ADAMTS15: variants seen among roughly 807,000 people sequenced by gnomAD.
ADAMTS15 encodes A disintegrin and metalloproteinase with thrombospondin motifs 15.
Under a neutral mutation model 79.1 loss-of-function variants are expected in ADAMTS15, and 35 were observed. The observed-to-expected ratio is 0.44, with a 90% CI of 0.34 to 0.59. The LOEUF (loss-of-function observed/expected upper bound fraction) is 0.59. ADAMTS15 is among the 20% of genes least tolerant of loss of function. The probability of loss-of-function intolerance (pLI) is 0.02; values close to 1 mark genes in which losing one functional copy is unlikely to be tolerated. For synonymous variants in ADAMTS15, 616 were observed against 567.3 expected (o/e 1.09, Z -1.22); for missense variants, 1,324 against 1,318.7 (o/e 1.00, Z -0.06).
At chr11:130,450,901 G>T (rs1937949154) in intron 1 of ADAMTS15, among the ~76,000 whole-genome samples, 2 of 152,310 alleles carry the variant, frequency 1.3e-5, no homozygotes, top group South Asian at 4.1e-4. Context: ...GATTCCAGCT[G>T]TAGAGTTAGA....
intron 6 of ADAMTS15, 25 bp downstream of exon 6, chr11:130,471,126 C>A (rs1490767169): frequency 6.2e-7 from 1 of 1,604,482 alleles, no homozygotes; most frequent in East Asian, 2.2e-5. Context: ...GGCCTGAGAA[C>A]AAAGTAGGGA....
intron 1 of ADAMTS15, among the ~76,000 whole-genome samples, chr11:130,451,630 G>A (rs1465211056): frequency 2.0e-5 from 3 of 152,098 alleles, no homozygotes; most frequent in Non-Finnish European, 4.4e-5. Context: ...AGCAGCTGTT[G>A]CCCCATTCGT....
chr11:130,461,963 G>T (rs966462424), intron 2 of ADAMTS15, 124 bp from the exon 3 acceptor site: 7 of 1,135,328 alleles, frequency 6.2e-6, no homozygotes, highest in African/African-American at 3.1e-5. Context: ...GCAGTCTGTC[G>T]ATAGTTGGCA....
intron 1 of ADAMTS15, among the ~76,000 whole-genome samples, chr11:130,451,819 A>G (rs772920569): frequency 9.2e-5 from 14 of 152,310 alleles, no homozygotes; most frequent in Non-Finnish European, 1.3e-4. Flanking sequence ...ATCAAACAGC[A>G]TGACAGCTTC....
chr11:130,469,046 C>A (rs1284179413), intron 4 of ADAMTS15, among the ~76,000 whole-genome samples: 1 of 151,462 alleles, frequency 6.6e-6, no homozygotes, highest in Admixed American at 6.6e-5. Context: ...CACCTGGGAG[C>A]AGTTGCTGTT....
intron 5 of ADAMTS15, among the ~76,000 whole-genome samples, chr11:130,469,941 G>A (rs946600631): frequency 1.3e-5 from 2 of 151,114 alleles, no homozygotes; most frequent in Non-Finnish European, 2.9e-5. Flanking sequence ...CTAAAATTTA[G>A]TATTTCTTTC....
rs754229728 is a variant in ADAMTS15, at chr11:130,469,470, C to A, written c.1720+31C>A. ...GTGGGGAGAGCAGTGGTGGCCTGGG[C>A]CCAGGGGAGGTGAGGCTGGAGGTCC... On this transcript the variant is annotated intron_variant, in intron 5 of 7. Transcript: ENST00000299164. 9 of 1,310,284 alleles carry A rather than the reference C, an allele frequency of 6.9e-6. No homozygotes were observed. In the East Asian group the frequency reaches 2.6e-4, roughly 37 times the overall value. The allele number at this position is 1,310,284 out of a possible 1,614,324, so 81.2% of individuals were successfully genotyped here.
At chr11:130,470,168 ATATATATATATATG>A (rs1565397727) in intron 5 of ADAMTS15, among the ~76,000 whole-genome samples, 5 of 58,658 alleles carry the variant, frequency 8.5e-5, no homozygotes, top group African/African-American at 3.0e-4. Context: ...ATATATATAT[ATATATATATATATG>A]TGTGTATATA....
intron 1 of ADAMTS15, among the ~76,000 whole-genome samples, chr11:130,456,603 AGTTAAAG>A (rs944183666): frequency 6.6e-6 from 1 of 152,226 alleles, no homozygotes; most frequent in Admixed American, 6.5e-5. Context: ...ATGGGAAACA[AGTTAAAG>A]GTACAGTAGT....
Position 130,449,978 on chromosome 11 carries a change from G to A in ADAMTS15, c.957+48G>A. 4 of 1,577,786 alleles carry A rather than the reference G, an allele frequency of 2.5e-6. No individual in the cohort carries two copies. The highest frequency in any genetic ancestry group is 3.4e-6 in the Non-Finnish European group (4 of 1,166,332). On this transcript the variant is annotated intron_variant, in intron 1 of 7. Coordinates refer to ENST00000299164, the MANE Select transcript of ADAMTS15 (RefSeq NM_139055.4). The surrounding 1 kb of genome is among the most constrained non-coding windows in gnomAD (Gnocchi z 7.8). ...TGCACCCAGATAGTCCCGTTCTTTA[G>A]GGTCACCTCCCCTAGCGCTCCAAAT...
Position 130,449,237 on chromosome 11 carries a change from C to T in ADAMTS15, c.264C>T (p.Leu88=), listed in dbSNP as rs763849359. 4.3e-6 allele frequency: 7 copies of T among 1,613,898 alleles called. No homozygotes were observed. The South Asian group carries it at 7.7e-5, about 18-fold the overall frequency. ...AFSTEHLGVP[L]QGLTGGSSDL... Reference sequence around the variant, plus strand: ...CCACTGAGCATCTGGGCGTCCCCCTCCAGGGGCTCACCGGGGGCTCTTCAG... The same window carrying T: ...CCACTGAGCATCTGGGCGTCCCCCTTCAGGGGCTCACCGGGGGCTCTTCAG... The change falls in exon 1 of 8, where the codon CTC becomes CTT. Residue 88 remains leucine, a synonymous_variant. Coordinates refer to ENST00000299164, the MANE Select transcript of ADAMTS15 (RefSeq NM_139055.4). The surrounding 1 kb of genome is among the most constrained non-coding windows in gnomAD (Gnocchi z 7.8).
chr11:130,462,774 G>A lies in ADAMTS15; in HGVS notation c.1536G>A (p.Lys512=), dbSNP rs1938230540. 6.3e-7 allele frequency: 1 copy of A among 1,588,768 alleles called. No individual in the cohort carries two copies. Among genetic ancestry groups the A allele is most frequent in the Non-Finnish European group, 8.6e-7 (1 of 1,160,946 alleles). Residue 512 remains lysine (K), a synonymous_variant, in exon 4 of 8, where the codon AAG becomes AAA. Transcript: ENST00000299164. This position sits in a 1 kb window ranked among gnomAD's most constrained non-coding sequence, Gnocchi z 4.3. ...GCGTGGAGAGACACAACCTCAACAA[G>A]CACAGGGTGAGTGAGTGCTGGAGCT... ...GACVERHNLN[K]HRVDGSWAKW...
At chr11:130,471,791 T>C (rs1938467022) in intron 7 of ADAMTS15, among the ~76,000 whole-genome samples, 1 of 152,202 alleles carries the variant, frequency 6.6e-6, no homozygotes, top group African/African-American at 2.4e-5. Flanking sequence ...GTGGGTATAA[T>C]ACTAATATAT....
In ADAMTS15 at chr11:130,476,488, T is replaced by A. The variant is rs1592153830; in HGVS notation, c.*2667T>A. On this transcript the variant is annotated 3_prime_UTR_variant, in exon 8 of 8. Coordinates refer to ENST00000299164, the MANE Select transcript of ADAMTS15 (RefSeq NM_139055.4). ...CTGACACTCATTGGTAGACCCTCCC[T>A]CCCCGCCGTTGTGTTTGGTTCTTTT... The A allele has an allele frequency of 6.6e-6, 1 of 152,382 alleles. No individual in the cohort carries two copies. Among genetic ancestry groups the A allele is most frequent in the Admixed American group, 6.5e-5 (1 of 15,284 alleles). 9.4% of individuals were successfully genotyped at this position (152,382 alleles called of 1,614,324 possible). A position where few individuals can be genotyped will look rare whatever the true frequency, so the allele number is the denominator to read the frequency against.
chr11:130,470,150 A>ATGTGTATATATATATATATATATATATG (rs1938399279), intron 5 of ADAMTS15, among the ~76,000 whole-genome samples: 4 of 53,182 alleles, frequency 7.5e-5, no homozygotes, highest in African/African-American at 2.7e-4. Flanking sequence ...ATATATATAT[A>ATGTGTATATATATATATATATATATATG]TGTGTATATA....
In ADAMTS15 at chr11:130,449,469, C is replaced by A. The variant is rs1937912384; in HGVS notation, c.496C>A (p.Pro166Thr). The change falls in exon 1 of 8, where the codon CCT (proline) becomes ACT (threonine). Residue 166 changes from proline to threonine, a missense_variant. Pro to Thr is a conservative substitution (Grantham distance 38). Coordinates refer to ENST00000299164, the MANE Select transcript of ADAMTS15 (RefSeq NM_139055.4). This position sits in a 1 kb window ranked among gnomAD's most constrained non-coding sequence, Gnocchi z 7.8. ...CCAGCGCCGGGGTGTTCCGGGCGGG[C>A]CTTCCGGAGACCCCACCTCTCGCTG... ...LLQRRGVPGG[P>T]SGDPTSRCGV... 2 of 1,567,824 alleles carry A rather than the reference C, an allele frequency of 1.3e-6. No individual in the cohort carries two copies. The highest frequency in any genetic ancestry group is 2.3e-5 in the East Asian group (1 of 44,320).
chr11:130,461,377 G>A (rs1938194363), intron 1 of ADAMTS15, 112 bp from the exon 2 acceptor site: 2 of 1,489,632 alleles, frequency 1.3e-6, no homozygotes, highest in Admixed American at 1.8e-5. Flanking sequence ...GCCTGGTGAG[G>A]TTGGAATGAG....
rs757144593 is a variant in ADAMTS15 at position 130,459,132 on chromosome 11, A to T, written c.958-2357A>T. Reference sequence around the variant, plus strand: ...CACTGTAGATTACCCTCCCAGGCTCAAGTGATCCTCCTACCTCAGCCTCCT... The same window carrying T: ...CACTGTAGATTACCCTCCCAGGCTCTAGTGATCCTCCTACCTCAGCCTCCT... On this transcript the variant is annotated intron_variant, in intron 1 of 7. Transcript: ENST00000299164. Among the ~76,000 whole-genome samples, 7 of 145,846 alleles carry T rather than the reference A, an allele frequency of 4.8e-5. No homozygotes were observed. In the South Asian group the frequency reaches 1.5e-3, roughly 31 times the overall value.
Position 130,473,758 on chromosome 11 carries a change from G to A in ADAMTS15, c.2790G>A (p.Arg930=), listed in dbSNP as rs777561488. Reference sequence around the variant, plus strand: ...GCCACGGAGGCCGGCTGCTGGCCCGGGACCAGTGCAACTTGCACCGCAAGC... The same window carrying A: ...GCCACGGAGGCCGGCTGCTGGCCCGAGACCAGTGCAACTTGCACCGCAAGC... The part of the protein sequence containing the change: ...CVGHGGRLLA[R]DQCNLHRKPQ... Residue 930 remains arginine, a synonymous_variant, in exon 8 of 8, where the codon CGG becomes CGA. Coordinates refer to ENST00000299164, the MANE Select transcript of ADAMTS15 (RefSeq NM_139055.4). 6.3e-7 allele frequency: 1 copy of A among 1,599,318 alleles called. No individual in the cohort carries two copies. Among genetic ancestry groups the A allele is most frequent in the East Asian group, 2.2e-5 (1 of 44,854 alleles).
Sources: allele counts gnomAD v4.1 joint callset (sites outside exome capture counted in the v4.1 genomes callset), GRCh38; gene constraint gnomAD v4.1.1; non-coding constraint Gnocchi (gnomAD v3.1); transcripts MANE v1.5; gene names NCBI Gene and HGNC (gene_info 2026-07-23, HGNC 2026-07-21).